Variants in STAC observed in about 807,000 individuals in gnomAD.
STAC encodes SH3 and cysteine rich domain, also known as SH3 and cysteine-rich domain-containing protein.
In STAC, 43 loss-of-function variants were observed where a neutral mutation model predicts 48.8. The ratio of observed to expected loss-of-function variants is 0.88; its 90% CI spans 0.69 to 1.14. The LOEUF (loss-of-function observed/expected upper bound fraction) is 1.14. STAC is among the 50% of genes most tolerant of loss of function. STAC has a pLI of 0.00. For synonymous variants in STAC, 193 were observed against 179.5 expected (o/e 1.07, Z -0.60); for missense variants, 497 against 504.0 (o/e 0.99, Z 0.13).
intron 2 of STAC, among the ~76,000 whole-genome samples, chr3:36,478,572 G>T (rs1047184305): frequency 1.3e-5 from 2 of 152,124 alleles, no homozygotes; most frequent in Non-Finnish European, 2.9e-5. Flanking sequence ...TCAGCTCACT[G>T]CAGCCTCTGT....
intron 1 of STAC, among the ~76,000 whole-genome samples, chr3:36,434,917 C>A (rs1700793409): frequency 6.6e-6 from 1 of 152,142 alleles, no homozygotes; most frequent in South Asian, 2.1e-4. Flanking sequence ...CAGCAGGCAC[C>A]AGAAAACAAA....
chr3:36,405,730 T>C (rs1168562171), intron 1 of STAC, among the ~76,000 whole-genome samples: 2 of 152,244 alleles, frequency 1.3e-5, no homozygotes, highest in Admixed American at 6.5e-5. Flanking sequence ...CTCTTCTTTC[T>C]TCTTTTAGAG....
At chr3:36,515,230 C>A (rs1045387521) in intron 8 of STAC, among the ~76,000 whole-genome samples, 1 of 151,962 alleles carries the variant, frequency 6.6e-6, no homozygotes, top group East Asian at 1.9e-4. Flanking sequence ...TCACAAATAA[C>A]AATGGTTTTA....
chr3:36,417,256 A>C (rs1249846170), intron 1 of STAC, among the ~76,000 whole-genome samples: 2 of 152,150 alleles, frequency 1.3e-5, no homozygotes, highest in Non-Finnish European at 1.5e-5. Flanking sequence ...GCTCTCTTCT[A>C]AGTTTAAGAT....
At chr3:36,412,964 T>A (rs1700230631) in intron 1 of STAC, among the ~76,000 whole-genome samples, 1 of 152,188 alleles carries the variant, frequency 6.6e-6, no homozygotes, top group South Asian at 2.1e-4. Context: ...GGTTGTTCAG[T>A]TTCCATGTAG....
intron 5 of STAC, among the ~76,000 whole-genome samples, chr3:36,489,741 C>G (rs906205531): frequency 6.6e-5 from 10 of 152,132 alleles, no homozygotes; most frequent in Non-Finnish European, 8.8e-5. Flanking sequence ...TATAAAGGCC[C>G]AGGTTCTGCC....
intron 6 of STAC, among the ~76,000 whole-genome samples, chr3:36,498,295 C>T (rs1381692597): frequency 6.6e-6 from 1 of 151,844 alleles, no homozygotes; most frequent in African/African-American, 2.4e-5. Context: ...ATGGGTTTAA[C>T]AACATATTAG....
intron 1 of STAC, among the ~76,000 whole-genome samples, chr3:36,422,651 A>C (rs927550358): frequency 6.6e-6 from 1 of 152,140 alleles, no homozygotes; most frequent in Non-Finnish European, 1.5e-5. Flanking sequence ...GTCTCTGCCA[A>C]CAGAGGCCAC....
At chr3:36,395,509 A>G (rs945356353) in intron 1 of STAC, among the ~76,000 whole-genome samples, 1 of 152,198 alleles carries the variant, frequency 6.6e-6, no homozygotes, top group African/African-American at 2.4e-5. Flanking sequence ...TGGGATCAGG[A>G]GGTCCCTTAT....
chr3:36,387,898 G>A (rs1391062091), intron 1 of STAC, among the ~76,000 whole-genome samples: 2 of 151,946 alleles, frequency 1.3e-5, no homozygotes, highest in African/African-American at 2.4e-5. Context: ...TTAATTTTTT[G>A]AGAAATTGCC....
chr3:36,503,555 T>C (rs1698328199), intron 6 of STAC, among the ~76,000 whole-genome samples: 2 of 152,170 alleles, frequency 1.3e-5, no homozygotes, highest in African/African-American at 4.8e-5. Context: ...TGTCTCAGCC[T>C]CCCAAGTAGC....
In STAC at chr3:36,504,480, A is replaced by G. The variant is rs748116142; in HGVS notation, c.831+23A>G. The G allele has an allele frequency of 2.5e-6, 4 of 1,611,838 alleles. No homozygotes were observed. In the South Asian group the frequency reaches 3.3e-5, roughly 13 times the overall value. On this transcript the variant is annotated intron_variant, in intron 7 of 10. Coordinates refer to ENST00000273183, the MANE Select transcript of STAC (RefSeq NM_003149.3). ...CAGGTATTTATGGATGTCACAGAAG[A>G]CAAGTCAGACAGGAGTCCTTAGATA...
At chr3:36,423,909 T>C (rs73061908) in intron 1 of STAC, among the ~76,000 whole-genome samples, 15,641 of 152,130 alleles carry the variant, frequency 0.1, 928 homozygotes, top group East Asian at 0.24. Context: ...AATAATCTAT[T>C]GTCCTAAAAT....
rs185590386 is a variant in STAC, at chr3:36,493,602, C to T, written c.766+373C>T. ...TAGATTACATTAGCAAACCGTACCA[C>T]AGAGAAGCTAATTTGTGCTACACCT... On this transcript the variant is annotated intron_variant, in intron 6 of 10. Transcript: ENST00000273183. Among the ~76,000 whole-genome samples the T allele has an allele frequency of 7.2e-5, 11 of 152,086 alleles. No homozygotes were observed. In the East Asian group the frequency reaches 2.1e-3, roughly 30 times the overall value.
chr3:36,432,878 T>C (rs952078952), intron 1 of STAC, among the ~76,000 whole-genome samples: 7 of 152,226 alleles, frequency 4.6e-5, no homozygotes, highest in Admixed American at 6.5e-5. Flanking sequence ...TACTGCCTCA[T>C]AGGGTTAGCT....
intron 1 of STAC, among the ~76,000 whole-genome samples, chr3:36,415,910 A>G (rs1173877192): frequency 6.6e-6 from 1 of 152,232 alleles, no homozygotes; most frequent in Non-Finnish European, 1.5e-5. Context: ...TTCCATTGAT[A>G]TATATGGTTG....
Position 36,528,829 on chromosome 3 carries a change from G to A in STAC, c.973-19G>A. The A allele has an allele frequency of 6.2e-7, 1 of 1,609,840 alleles. No homozygotes were observed. The highest frequency in any genetic ancestry group is 8.5e-7 in the Non-Finnish European group (1 of 1,177,328). Reference sequence around the variant, plus strand: ...ATACATGCTACAATTGTGGATGCATGCCTCCTTTTTCCTTTCAGGGGAAAA... The same window carrying A: ...ATACATGCTACAATTGTGGATGCATACCTCCTTTTTCCTTTCAGGGGAAAA... On this transcript the variant is annotated intron_variant, in intron 9 of 10. Coordinates refer to ENST00000273183, the MANE Select transcript of STAC (RefSeq NM_003149.3).
intron 1 of STAC, among the ~76,000 whole-genome samples, chr3:36,401,441 C>G (rs73057904): frequency 0.023 from 3,550 of 152,174 alleles, 61 homozygotes; most frequent in East Asian, 0.026. Context: ...TTAAGGACCT[C>G]GATAGAAAAT....
intron 1 of STAC, among the ~76,000 whole-genome samples, chr3:36,423,584 G>T (rs1700493593): frequency 6.6e-6 from 1 of 152,012 alleles, no homozygotes; most frequent in African/African-American, 2.4e-5. Context: ...CATACAGACA[G>T]AACAGTGCTG....
Sources: allele counts gnomAD v4.1 joint callset (sites outside exome capture counted in the v4.1 genomes callset), GRCh38; gene constraint gnomAD v4.1.1; transcripts MANE v1.5; gene names NCBI Gene and HGNC (gene_info 2026-07-23, HGNC 2026-07-21).